Variants in RNF10 observed in about 807,000 individuals in gnomAD.
RNF10 encodes the protein ring finger protein 10.
RNF10 carries 38 observed loss-of-function variants against 91.4 expected under a neutral mutation model. The observed-to-expected ratio is 0.42, with a 90% CI of 0.32 to 0.54. The LOEUF is 0.54. RNF10 is among the 20% of genes least tolerant of loss of function. The pLI is 0.16. For synonymous variants in RNF10, 364 were observed against 366.3 expected (o/e 0.99, Z 0.07); for missense variants, 945 against 1,012.0 (o/e 0.93, Z 0.90).
rs138683853 is a variant in RNF10 at position 120,563,499 on chromosome 12, C to T, written c.1407C>T (p.Asp469=). The T allele has an allele frequency of 2.5e-5, 40 of 1,614,012 alleles. No individual in the cohort carries two copies. The highest frequency in any genetic ancestry group is 3.1e-5 in the Non-Finnish European group (37 of 1,180,040). Residue 469 remains aspartate, a synonymous_variant, in exon 9 of 17, where the codon GAC becomes GAT. Transcript: ENST00000325954. Reference sequence around the variant, plus strand: ...AGGGGTTGCCAGAGGCCTGTGATGACTTGGAGTTAGCAGATGACAATCTTA... The same window carrying T: ...AGGGGTTGCCAGAGGCCTGTGATGATTTGGAGTTAGCAGATGACAATCTTA... The part of the protein sequence containing the change: ...EPEGLPEACD[D]LELADDNLKE...
intron 1 of RNF10, among the ~76,000 whole-genome samples, chr12:120,541,623 A>G (rs1207851244): frequency 6.6e-6 from 1 of 150,960 alleles, no homozygotes; most frequent in Non-Finnish European, 1.5e-5. Flanking sequence ...TTTAGTAGAG[A>G]TGGGGTTTCA....
chr12:120,551,766 A>T (rs1873127093), intron 2 of RNF10, among the ~76,000 whole-genome samples: 1 of 152,074 alleles, frequency 6.6e-6, no homozygotes, highest in African/African-American at 2.4e-5. Flanking sequence ...AGTGGCTGAG[A>T]GTGCAGGTGT....
intron 6 of RNF10, among the ~76,000 whole-genome samples, chr12:120,560,153 TG>T (rs1419098340): frequency 5.4e-5 from 7 of 128,780 alleles, no homozygotes; most frequent in African/African-American, 1.6e-4. Context: ...TGGTTTTTTT[TG>T]TTTTTTTTTT....
At chr12:120,573,345 CCA>C (rs1246005294) in intron 14 of RNF10, among the ~76,000 whole-genome samples, 1 of 152,130 alleles carries the variant, frequency 6.6e-6, no homozygotes, top group East Asian at 1.9e-4. Context: ...GTTCCTTTGC[CCA>C]TATCCCCTTT....
At chr12:120,542,964 A>T (rs1385234128) in intron 1 of RNF10, among the ~76,000 whole-genome samples, 2 of 152,136 alleles carry the variant, frequency 1.3e-5, no homozygotes, top group African/African-American at 4.8e-5. Context: ...GCCATTTCAC[A>T]TGGTTTAGAT....
chr12:120,566,986 C>T lies in RNF10; in HGVS notation c.2041+6C>T. The stretch of plus-strand genomic sequence containing the variant: ...AAGTCCAGGTTCCCATGCAGGTAAA[C>T]AGGTGAAATTTAATGAATTCACCCA... On this transcript the variant is annotated splice_donor_region_variant and intron_variant, in intron 13 of 16. Transcript: ENST00000325954. 1.3e-6 allele frequency: 2 copies of T among 1,595,472 alleles called. No individual in the cohort carries two copies. Among genetic ancestry groups the T allele is most frequent in the South Asian group, 1.1e-5 (1 of 87,766 alleles).
intron 1 of RNF10, among the ~76,000 whole-genome samples, chr12:120,535,929 T>C (rs61945887): frequency 0.064 from 9,797 of 152,266 alleles, 364 homozygotes; most frequent in East Asian, 0.12. Context: ...ATGTTAGGAG[T>C]TGGCAGAGGC....
chr12:120,556,801 G>A (rs1488057815), intron 4 of RNF10, among the ~76,000 whole-genome samples: 2 of 151,924 alleles, frequency 1.3e-5, no homozygotes. Flanking sequence ...TACCTGTTGT[G>A]TATTAGTTTT....
At chr12:120,561,059 A>G (rs1348109717) in intron 7 of RNF10, among the ~76,000 whole-genome samples, 173 bp downstream of exon 7, 1 of 152,190 alleles carries the variant, frequency 6.6e-6, no homozygotes, top group Non-Finnish European at 1.5e-5. Flanking sequence ...AAAAAAGCCA[A>G]TTTGTTTTGG....
intron 2 of RNF10, among the ~76,000 whole-genome samples, chr12:120,551,320 A>C (rs1313425473): frequency 1.9e-5 from 1 of 52,962 alleles, no homozygotes. Flanking sequence ...TTTGAAATGG[A>C]GTTTTGCTCT....
chr12:120,560,112 T>A (rs1466964638), intron 6 of RNF10, among the ~76,000 whole-genome samples: 4 of 151,782 alleles, frequency 2.6e-5, no homozygotes, highest in South Asian at 4.1e-4. Flanking sequence ...TTGGTTTTAC[T>A]GGTTGGTTTG....
intron 1 of RNF10, among the ~76,000 whole-genome samples, chr12:120,538,398 A>G (rs1169582068): frequency 6.6e-6 from 1 of 152,180 alleles, no homozygotes; most frequent in Non-Finnish European, 1.5e-5. Context: ...ATTTGTACAC[A>G]GGAAATATGT....
chr12:120,565,896 T>C (rs1648233353), intron 12 of RNF10, among the ~76,000 whole-genome samples: 1 of 152,204 alleles, frequency 6.6e-6, no homozygotes, highest in East Asian at 1.9e-4. Flanking sequence ...ACAGCAAGTC[T>C]GCCAGGTGGG....
At chr12:120,570,184 CTTTTTTTTTTT>C (rs11378458) in intron 13 of RNF10, 1 of 112,374 alleles carries the variant, frequency 8.9e-6, no homozygotes, top group African/African-American at 3.3e-5. Context: ...CACACCCAGC[CTTTTTTTTTTT>C]TTTTTTTTTA....
chr12:120,560,865 G>A lies in RNF10; in HGVS notation c.1107G>A (p.Glu369=), dbSNP rs774440896. The change falls in exon 7 of 17, where the codon GAG becomes GAA. Residue 369 remains glutamate (E), a synonymous_variant. Coordinates refer to ENST00000325954, the MANE Select transcript of RNF10 (RefSeq NM_014868.5). ...ACACTCCCGAGTCCTGCTTTATTGA[G>A]GCAGCTATCCAGGAGCTCAAGGTGA... ...EKHTPESCFI[E]AAIQELKTRE... 1.9e-6 allele frequency: 3 copies of A among 1,614,120 alleles called. No homozygotes were observed. In the East Asian group the frequency reaches 6.7e-5, roughly 36 times the overall value.
At chr12:120,554,940 C>G (rs1028884224) in intron 4 of RNF10, 132 bp downstream of exon 4, 2 of 717,692 alleles carry the variant, frequency 2.8e-6, no homozygotes, top group Admixed American at 4.6e-5. Flanking sequence ...AGATGTTTCC[C>G]AGAGGTCAGT....
chr12:120,559,798 C>T (rs1010428779), intron 6 of RNF10, among the ~76,000 whole-genome samples: 1 of 151,722 alleles, frequency 6.6e-6, no homozygotes, highest in Non-Finnish European at 1.5e-5. Flanking sequence ...TGGGTTCAAG[C>T]GATTTTCTTA....
At chr12:120,565,396 G>A in intron 11 of RNF10, 32 bp from the exon 12 acceptor site, 1 of 1,598,592 alleles carries the variant, frequency 6.3e-7, no homozygotes, top group Non-Finnish European at 8.6e-7. Context: ...GTTGTCCTGG[G>A]TCTACCTCTT....
chr12:120,553,101 T>C (rs1873398074), intron 3 of RNF10, among the ~76,000 whole-genome samples: 1 of 78,208 alleles, frequency 1.3e-5, no homozygotes, highest in African/African-American at 5.0e-5. Context: ...TTTTTTTTTT[T>C]GAGATGTAGT....
Sources: gnomAD v4.1 joint callset for allele counts (sites outside exome capture counted in the v4.1 genomes callset) on GRCh38, gnomAD v4.1.1 for gene constraint, MANE v1.5 for transcripts, NCBI Gene and HGNC (gene_info 2026-07-23, HGNC 2026-07-21) for gene names.